The following PPARGC1A variants were observed in gnomAD, a reference collection of about 807,000 sequenced individuals.
PPARGC1A encodes peroxisome proliferator-activated receptor gamma coactivator 1-alpha.
PPARGC1A carries 25 observed loss-of-function variants against 88.7 expected under a neutral mutation model. The observed-to-expected ratio is 0.28, with a 90% CI of 0.21 to 0.39. The LOEUF (loss-of-function observed/expected upper bound fraction) is 0.39, where lower values mean the gene tolerates loss of function less well. Among genes scored for constraint, PPARGC1A ranks in the 10% least tolerant of loss-of-function variants. PPARGC1A has a pLI of 1.00. For synonymous variants in PPARGC1A, 363 were observed against 355.6 expected, an observed-to-expected ratio of 1.02 and a Z score of -0.24; for missense variants, 880 against 968.7, an observed-to-expected ratio of 0.91 and a Z score of 1.22.
At chr4:24,231,674 T>G in the PPARGC1A span, among the ~76,000 whole-genome samples, 1 of 152,174 alleles carries the variant, frequency 6.6e-6, no homozygotes, top group Non-Finnish European at 1.5e-5. Context: ...AAACTGTATT[T>G]CCATAAGGAA....
the PPARGC1A span, among the ~76,000 whole-genome samples, chr4:23,996,386 G>A: frequency 3.3e-5 from 5 of 152,058 alleles, no homozygotes; most frequent in South Asian, 2.1e-4. Context: ...CTATCCATTC[G>A]TCTTACCTTC....
At chr4:24,340,326 A>C in the PPARGC1A span, among the ~76,000 whole-genome samples, 1 of 152,220 alleles carries the variant, frequency 6.6e-6, no homozygotes, top group Non-Finnish European at 1.5e-5. Context: ...TAAACTGACA[A>C]AAAAGAACGC....
At chr4:24,351,363 C>T in the PPARGC1A span, among the ~76,000 whole-genome samples, 70 of 149,766 alleles carry the variant, frequency 4.7e-4, 1 homozygote, top group African/African-American at 1.7e-3. Context: ...CACCACTGTT[C>T]CAGCTTGGAC....
chr4:23,863,948 G>A (rs1731703010), intron 2 of PPARGC1A, among the ~76,000 whole-genome samples: 1 of 152,058 alleles, frequency 6.6e-6, no homozygotes. Flanking sequence ...GGTTTCTCTA[G>A]GTTGGCCAGA....
the PPARGC1A span, among the ~76,000 whole-genome samples, chr4:24,141,189 G>T: frequency 0.026 from 3,997 of 152,322 alleles, 171 homozygotes; most frequent in African/African-American, 0.091. Flanking sequence ...ATATAACTAA[G>T]ACAAAATGAT....
Position 23,828,424 on chromosome 4 carries a change from G to A in PPARGC1A, c.733C>T (p.Gln245Ter). Reference protein sequence around the residue: ...KCTSKKKSHTQSQSQHLQAKP... With the variant: ...KCTSKKKSHT ...CCTTGTAAGTGTTGTGACTGCGACT[G>A]TGTGTGGGACTTCTTTTTGGAGGTG... Residue 245 changes from glutamine (Q) to a stop codon, truncating the protein, a stop_gained, in exon 5 of 13, where the codon CAG becomes TAG. Coordinates refer to ENST00000264867, the MANE Select transcript of PPARGC1A (RefSeq NM_013261.5). LOFTEE classifies it high-confidence loss of function. 6.2e-7 allele frequency: 1 copy of A among 1,613,872 alleles called. No individual in the cohort carries two copies. The highest frequency in any genetic ancestry group is 8.5e-7 in the Non-Finnish European group (1 of 1,179,854).
chr4:24,134,316 T>A, the PPARGC1A span, among the ~76,000 whole-genome samples: 3 of 152,244 alleles, frequency 2.0e-5, no homozygotes, highest in Non-Finnish European at 4.4e-5. Context: ...ATATGCAAAT[T>A]TACCATCATG....
At chr4:23,901,543 C>CAAA (rs535361329), upstream of PPARGC1A, among the ~76,000 whole-genome samples, 1 of 80,764 alleles carries the variant, frequency 1.2e-5, no homozygotes, top group Non-Finnish European at 2.5e-5. Flanking sequence ...GACTCCGTCT[C>CAAA]AAAAAAAAAA....
the PPARGC1A span, among the ~76,000 whole-genome samples, chr4:24,057,925 A>T: frequency 6.6e-6 from 1 of 152,218 alleles, no homozygotes; most frequent in Non-Finnish European, 1.5e-5. Flanking sequence ...AGCAGAAGGC[A>T]GGGGGAACGC....
chr4:24,124,859 C>T, the PPARGC1A span, among the ~76,000 whole-genome samples: 5 of 152,092 alleles, frequency 3.3e-5, no homozygotes, highest in Non-Finnish European at 7.4e-5. Flanking sequence ...TGTATTCAGA[C>T]ATAAATAAGC....
chr4:23,851,184 A>C (rs555383442), intron 2 of PPARGC1A, among the ~76,000 whole-genome samples: 12 of 152,248 alleles, frequency 7.9e-5, no homozygotes, highest in African/African-American at 1.2e-4. Flanking sequence ...AATAATTCTC[A>C]TTTTGCAATA....
rs1577693019 is a variant in PPARGC1A at position 23,897,756 on chromosome 4, C to G, written n.52+1511G>C. Among the ~76,000 whole-genome samples the G allele has an allele frequency of 2.6e-5, 4 of 152,216 alleles. 1 individual carries two copies. The South Asian group carries it at 8.3e-4, about 32-fold the overall frequency. ...ACTAGAGAACTTGTGAAATATAATA[C>G]TTTCAACCACAGGTATTGGCTCTGA... On this transcript the variant is annotated intron_variant and non_coding_transcript_variant, in intron 1 of 3. Transcript: ENST00000507342.
the PPARGC1A span, among the ~76,000 whole-genome samples, chr4:24,109,908 G>A: frequency 6.6e-6 from 1 of 152,104 alleles, no homozygotes; most frequent in Non-Finnish European, 1.5e-5. Context: ...CTGCAGATGG[G>A]CTCAGCATCC....
the PPARGC1A span, among the ~76,000 whole-genome samples, chr4:23,930,036 C>T: frequency 1.3e-5 from 2 of 152,126 alleles, no homozygotes; most frequent in Non-Finnish European, 1.5e-5. Context: ...TTTGTCACCC[C>T]ACTCCAGGGT....
At chr4:24,049,516 T>C in the PPARGC1A span, among the ~76,000 whole-genome samples, 1 of 151,806 alleles carries the variant, frequency 6.6e-6, no homozygotes, top group Non-Finnish European at 1.5e-5. Flanking sequence ...GAGTGAATCT[T>C]AAAGGGCATG....
At chr4:24,295,663 ATATATATG>A in the PPARGC1A span, among the ~76,000 whole-genome samples, 1,880 of 150,430 alleles carry the variant, frequency 0.012, 17 homozygotes, top group African/African-American at 0.019. Context: ...TTTTTGTGTT[ATATATATG>A]TATATATGTA....
chr4:23,837,810 A>G (rs1726293944), intron 2 of PPARGC1A, among the ~76,000 whole-genome samples: 1 of 152,188 alleles, frequency 6.6e-6, no homozygotes, highest in Non-Finnish European at 1.5e-5. Flanking sequence ...TAGATTCAGG[A>G]GTTCAAATAA....
At chr4:24,328,698 GGTTT>G in the PPARGC1A span, among the ~76,000 whole-genome samples, 1 of 152,052 alleles carries the variant, frequency 6.6e-6, no homozygotes, top group Admixed American at 6.5e-5. Context: ...CAACTTGAGG[GGTTT>G]TTTTTCCACC....
intron 2 of PPARGC1A, 23 bp downstream of exon 2, chr4:23,884,729 A>T: frequency 1.3e-6 from 2 of 1,591,614 alleles, no homozygotes; most frequent in Middle Eastern, 1.7e-4. Context: ...TGAAAAATTA[A>T]TGTTTCCAAA....
Sources: gnomAD v4.1 joint callset for allele counts (sites outside exome capture counted in the v4.1 genomes callset) on GRCh38, gnomAD v4.1.1 for gene constraint, MANE v1.5 for transcripts, NCBI Gene and HGNC (gene_info 2026-07-23, HGNC 2026-07-21) for gene names.